The following DNAH3 variants were observed in gnomAD, a reference collection of about 807,000 sequenced individuals.
DNAH3 encodes dynein axonemal heavy chain 3, also known as axonemal beta dynein heavy chain 3.
A neutral mutation model predicts 432.5 loss-of-function variants in DNAH3; 332 were observed. The ratio of observed to expected loss-of-function variants is 0.77; its 90% CI spans 0.70 to 0.84. DNAH3 has a LOEUF of 0.84. Ranked by LOEUF, DNAH3 falls within the 40% of genes least tolerant of loss-of-function variation. DNAH3 has a pLI of 0.00. For missense variants in DNAH3, 4,861 were observed against 5,114.0 expected, an observed-to-expected ratio of 0.95 and a Z score of 1.51; for synonymous variants, 1,956 against 1,900.2, an observed-to-expected ratio of 1.03 and a Z score of -0.76.
chr16:21,080,399 T>C (rs1213685014), intron 20 of DNAH3, among the ~76,000 whole-genome samples: 1 of 152,256 alleles, frequency 6.6e-6, no homozygotes, highest in Non-Finnish European at 1.5e-5. Context: ...TTTGACTCAA[T>C]ATATCCAAAA....
At position 21,062,526 on chromosome 16, in the gene DNAH3, C is replaced by T. The variant is rs778101300; in HGVS notation, c.3676G>A (p.Glu1226Lys). 3.1e-6 allele frequency: 5 copies of T among 1,614,186 alleles called. No homozygotes were observed. In the East Asian group the frequency reaches 1.1e-4, roughly 36 times the overall value. The stretch of plus-strand genomic sequence containing the variant: ...ATTTTCTGTATGAATGGAACAGTTT[C>T]TTTTTCCGAGCTGATCATGCCCACA... The change falls in exon 25 of 62, where the codon GAA becomes AAA. Residue 1226 changes from glutamate to lysine, a missense_variant. By Grantham distance (56) the Glu-to-Lys change is moderately conservative. Coordinates refer to ENST00000261383, the Ensembl canonical transcript of DNAH3.
chr16:21,042,904 G>A (rs1597221754), intron 31 of DNAH3, among the ~76,000 whole-genome samples: 1 of 152,194 alleles, frequency 6.6e-6, no homozygotes, highest in Non-Finnish European at 1.5e-5. Context: ...TCCCACCTAT[G>A]AGTGAGAATA....
rs535461459 is a variant in DNAH3, at chr16:20,981,999, ATATAT to A, written c.7859+717_7859+721del. Among the ~76,000 whole-genome samples the A allele has an allele frequency of 8.5e-3, 879 of 103,600 alleles. 8 individuals carry two copies. The highest frequency in any genetic ancestry group is 0.034 in the African/African-American group (827 of 24,188). 68.0% of individuals were successfully genotyped at this position (103,600 alleles called of 152,430 possible). The stretch of plus-strand genomic sequence containing the variant: ...AGCATATATATAAAGCACATATATA[ATATAT>A]AATATATATAATTAAGTATATATAT... On this transcript the variant is annotated intron_variant, in intron 49 of 61. Coordinates refer to ENST00000261383, the Ensembl canonical transcript of DNAH3.
intron 12 of DNAH3, among the ~76,000 whole-genome samples, 181 bp downstream of exon 12, chr16:21,117,022 C>G (rs1287952303): frequency 6.6e-6 from 1 of 152,152 alleles, no homozygotes; most frequent in Non-Finnish European, 1.5e-5. Context: ...AACACTGGGA[C>G]AGTTAGAGTT....
chr16:20,994,121 C>T (rs1176569342), intron 44 of DNAH3, among the ~76,000 whole-genome samples: 1 of 151,760 alleles, frequency 6.6e-6, no homozygotes, highest in South Asian at 2.1e-4. Context: ...CCTTTTAATC[C>T]TTTTCTTCAT....
intron 13 of DNAH3, 25 bp downstream of exon 13, chr16:21,111,968 T>C: frequency 1.3e-6 from 2 of 1,592,906 alleles, no homozygotes; most frequent in African/African-American, 1.3e-5. Context: ...CACCAAGGTA[T>C]AAAATCTCAA....
chr16:21,079,637 A>C (rs572400732), intron 20 of DNAH3, among the ~76,000 whole-genome samples: 1 of 152,228 alleles, frequency 6.6e-6, no homozygotes, highest in East Asian at 1.9e-4. Context: ...ACTCTGTCTC[A>C]AAAAATAAAA....
At chr16:20,981,395 T>A (rs143097795) in intron 49 of DNAH3, among the ~76,000 whole-genome samples, 1 of 152,202 alleles carries the variant, frequency 6.6e-6, no homozygotes, top group Non-Finnish European at 1.5e-5. Flanking sequence ...CCATTGACAC[T>A]CTTACCCCTA....
intron 27 of DNAH3, among the ~76,000 whole-genome samples, chr16:21,055,131 T>TTTTA (rs760961066): frequency 5.9e-4 from 90 of 151,660 alleles, no homozygotes; most frequent in Admixed American, 1.4e-3. Flanking sequence ...AATTGGCTAA[T>TTTTA]TTTATTTATT....
At chr16:20,972,299 T>C (rs2152640550) in intron 51 of DNAH3, among the ~76,000 whole-genome samples, 1 of 151,888 alleles carries the variant, frequency 6.6e-6, no homozygotes. Flanking sequence ...AGTGGTGGGA[T>C]CATAGCTCAC....
exon 46 of DNAH3, chr16:20,987,786 CAAG>C (rs773892063): frequency 1.9e-6 from 3 of 1,614,092 alleles, no homozygotes; most frequent in Non-Finnish European, 1.7e-6. Flanking sequence ...AGGGAGTTGG[CAAG>C]AAGTTCTCCA....
At chr16:21,100,111 T>C (rs1163537447) in intron 16 of DNAH3, among the ~76,000 whole-genome samples, 2 of 152,166 alleles carry the variant, frequency 1.3e-5, no homozygotes, top group Non-Finnish European at 2.9e-5. Flanking sequence ...TCTTTATCTC[T>C]TTCTTTCTGG....
chr16:21,034,218 G>T (rs977916932), intron 35 of DNAH3, 133 bp from the exon 36 acceptor site: 6 of 598,932 alleles, frequency 1.0e-5, no homozygotes, highest in East Asian at 5.8e-5. Context: ...GGAGAACTTC[G>T]GTTCTTTTCA....
chr16:21,063,158 C>A (rs1417533534), intron 24 of DNAH3, among the ~76,000 whole-genome samples: 2 of 152,218 alleles, frequency 1.3e-5, no homozygotes, highest in Non-Finnish European at 2.9e-5. Flanking sequence ...AACAGCAATT[C>A]TCAGCTTTGG....
At chr16:21,010,328 C>T (rs970037626) in intron 41 of DNAH3, among the ~76,000 whole-genome samples, 5 of 152,014 alleles carry the variant, frequency 3.3e-5, no homozygotes, top group African/African-American at 1.2e-4. Context: ...CTTCTATCAC[C>T]CCTACCCCCC....
At chr16:21,081,177 C>T (rs867652216) in intron 20 of DNAH3, among the ~76,000 whole-genome samples, 1 of 152,066 alleles carries the variant, frequency 6.6e-6, no homozygotes, top group Admixed American at 6.6e-5. Context: ...CCTCGGCCCC[C>T]CAGAGTGCTG....
chr16:21,110,600 A>G (rs1234336192), intron 14 of DNAH3, among the ~76,000 whole-genome samples: 1 of 152,204 alleles, frequency 6.6e-6, no homozygotes, highest in Non-Finnish European at 1.5e-5. Context: ...TGAGCCACAA[A>G]TTCCCTTTTT....
intron 33 of DNAH3, among the ~76,000 whole-genome samples, chr16:21,038,896 C>A (rs2152730648): frequency 6.6e-6 from 1 of 152,140 alleles, no homozygotes. Flanking sequence ...TTTCTGTAGC[C>A]CCTTGGATTA....
intron 61 of DNAH3, among the ~76,000 whole-genome samples, chr16:20,934,218 C>T (rs1214967196): frequency 1.3e-5 from 2 of 152,114 alleles, no homozygotes; most frequent in African/African-American, 4.8e-5. Context: ...AATTTTTTCC[C>T]ATTTCTAATT....
Sources: gnomAD v4.1 joint callset for allele counts (sites outside exome capture counted in the v4.1 genomes callset) on GRCh38, gnomAD v4.1.1 for gene constraint, MANE v1.5 for transcripts, NCBI Gene and HGNC (gene_info 2026-07-23, HGNC 2026-07-21) for gene names.